The following AUTS2 variants were observed in gnomAD, a reference collection of about 807,000 sequenced individuals.
AUTS2 encodes the protein activator of transcription and developmental regulator AUTS2.
Under a neutral mutation model 112.4 loss-of-function variants are expected in AUTS2, and 17 were observed. The observed-to-expected ratio is 0.15, with a 90% confidence interval of 0.10 to 0.23. The LOEUF is 0.23. Ranked by LOEUF, AUTS2 falls within the 10% of genes least tolerant of loss-of-function variation. The probability of loss-of-function intolerance (pLI) is 1.00; values close to 1 mark genes in which losing one functional copy is unlikely to be tolerated. For missense variants in AUTS2, 1,510 were observed against 1,701.6 expected, an observed-to-expected ratio of 0.89 and a Z score of 1.98; for synonymous variants, 751 against 702.7, an observed-to-expected ratio of 1.07 and a Z score of -1.09.
At chr7:70,121,003 C>G (rs1584753229) in intron 3 of AUTS2, among the ~76,000 whole-genome samples, 1 of 152,132 alleles carries the variant, frequency 6.6e-6, no homozygotes, top group Non-Finnish European at 1.5e-5. Context: ...ATTAGACATA[C>G]AGACCAATGG....
At chr7:70,459,821 T>G (rs895151441) in intron 5 of AUTS2, among the ~76,000 whole-genome samples, 1 of 152,180 alleles carries the variant, frequency 6.6e-6, no homozygotes, top group Non-Finnish European at 1.5e-5. Context: ...GTGAGACTCC[T>G]TCCGGGATAA....
intron 2 of AUTS2, among the ~76,000 whole-genome samples, chr7:69,941,583 T>A (rs949435717): frequency 6.6e-6 from 1 of 151,848 alleles, no homozygotes; most frequent in Non-Finnish European, 1.5e-5. Context: ...TTCTAGATTT[T>A]TTTTTTTTTT....
intron 1 of AUTS2, among the ~76,000 whole-genome samples, chr7:69,898,303 C>G (rs1794836169): frequency 6.6e-6 from 1 of 152,174 alleles, no homozygotes; most frequent in East Asian, 1.9e-4. Context: ...ATTAGATCCA[C>G]TAGTTTCCAA....
intron 2 of AUTS2, among the ~76,000 whole-genome samples, chr7:69,917,904 G>A (rs1157216530): frequency 6.6e-6 from 1 of 151,920 alleles, no homozygotes. Flanking sequence ...GTGCAGTGGC[G>A]CGATCTCGGC....
chr7:70,316,398 T>A (rs1208368708), intron 4 of AUTS2, among the ~76,000 whole-genome samples: 1 of 127,338 alleles, frequency 7.9e-6, no homozygotes, highest in East Asian at 2.2e-4. Context: ...GCCAGGTCTC[T>A]ATTTTTTTTT....
rs563469687 is a variant in AUTS2 at position 70,792,620 on chromosome 7, T to G, written c.*1624T>G. On this transcript the variant is annotated 3_prime_UTR_variant, in exon 19 of 19. Coordinates refer to ENST00000342771, the MANE Select transcript of AUTS2 (RefSeq NM_015570.4). Reference sequence around the variant, plus strand: ...AACTCCAGATGTTGTGCGGTGTTTTTTTTTTTTTTTAAGACAACAACTAAA... The same window carrying G: ...AACTCCAGATGTTGTGCGGTGTTTTGTTTTTTTTTTAAGACAACAACTAAA... The G allele has an allele frequency of 2.1e-4, 26 of 126,384 alleles. No individual in the cohort carries two copies. Among genetic ancestry groups the G allele is most frequent in the Non-Finnish European group, 3.1e-4 (18 of 58,962 alleles). 7.8% of individuals were successfully genotyped at this position (126,384 alleles called of 1,614,324 possible).
chr7:69,661,519 C>G (rs149890510), intron 1 of AUTS2, among the ~76,000 whole-genome samples: 1 of 152,072 alleles, frequency 6.6e-6, no homozygotes, highest in Non-Finnish European at 1.5e-5. Context: ...TTTCTTATGT[C>G]GTATGACCTG....
chr7:70,656,598 T>C (rs1191856047), intron 5 of AUTS2, among the ~76,000 whole-genome samples: 2 of 152,222 alleles, frequency 1.3e-5, no homozygotes, highest in African/African-American at 2.4e-5. Context: ...ATTTGACGGA[T>C]GAAGAAATAA....
intron 4 of AUTS2, among the ~76,000 whole-genome samples, chr7:70,159,033 C>T (rs1009897861): frequency 2.0e-5 from 3 of 152,064 alleles, no homozygotes; most frequent in African/African-American, 7.2e-5. Context: ...ATTTATTGCC[C>T]TGCTTTCTTT....
chr7:70,406,317 A>C (rs923814719), intron 4 of AUTS2, among the ~76,000 whole-genome samples: 2 of 151,936 alleles, frequency 1.3e-5, no homozygotes, highest in African/African-American at 4.8e-5. Context: ...TCAGATATTA[A>C]CTTCTGTGCT....
chr7:69,632,485 C>T (rs890870419), intron 1 of AUTS2, among the ~76,000 whole-genome samples: 1 of 151,852 alleles, frequency 6.6e-6, no homozygotes, highest in African/African-American at 2.4e-5. Flanking sequence ...CTTAGGCTGA[C>T]GTGCTCTCCT....
intron 5 of AUTS2, among the ~76,000 whole-genome samples, chr7:70,579,278 AT>A (rs563529510): frequency 5.1e-4 from 75 of 146,898 alleles, no homozygotes; most frequent in African/African-American, 1.8e-3. Context: ...AGGGAGGAAC[AT>A]TTTAGAAAAA....
At chr7:70,787,463 G>A (rs751757533) in intron 18 of AUTS2, 32 bp downstream of exon 18, 12 of 1,487,676 alleles carry the variant, frequency 8.1e-6, no homozygotes, top group African/African-American at 1.4e-5. Flanking sequence ...GAGTCCCCAC[G>A]GGGGAGCCTG....
intron 2 of AUTS2, among the ~76,000 whole-genome samples, chr7:69,968,978 G>A (rs1434352009): frequency 1.3e-5 from 2 of 151,472 alleles, no homozygotes; most frequent in African/African-American, 4.9e-5. Flanking sequence ...CACTTGCATT[G>A]TTAACTATTA....
chr7:69,614,297 CAA>C (rs58790139), intron 1 of AUTS2, among the ~76,000 whole-genome samples: 36,427 of 141,366 alleles, frequency 0.26, 5,170 homozygotes, highest in East Asian at 0.57. Context: ...ACACTTCTCT[CAA>C]GAGTCACTCT....
At chr7:70,606,726 G>A (rs1803794713) in intron 5 of AUTS2, among the ~76,000 whole-genome samples, 1 of 152,052 alleles carries the variant, frequency 6.6e-6, no homozygotes, top group South Asian at 2.1e-4. Context: ...GCCAGGCGTG[G>A]TGATGCACAC....
intron 2 of AUTS2, among the ~76,000 whole-genome samples, chr7:70,065,707 T>C (rs1802458397): frequency 6.6e-6 from 1 of 151,788 alleles, no homozygotes. Context: ...CAAAAAAATA[T>C]ATATATATTA....
chr7:69,885,818 G>A (rs1359992872), intron 1 of AUTS2, among the ~76,000 whole-genome samples: 1 of 152,180 alleles, frequency 6.6e-6, no homozygotes, highest in Non-Finnish European at 1.5e-5. Context: ...GAGTTGTTGT[G>A]CAGACATTAA....
intron 1 of AUTS2, among the ~76,000 whole-genome samples, chr7:69,669,753 A>C (rs1796230311): frequency 6.6e-6 from 1 of 152,106 alleles, no homozygotes; most frequent in Non-Finnish European, 1.5e-5. Context: ...CCTTTTATGA[A>C]GCATGTGTGT....
Sources: allele counts gnomAD v4.1 joint callset (sites outside exome capture counted in the v4.1 genomes callset), GRCh38; gene constraint gnomAD v4.1.1; transcripts MANE v1.5; gene names NCBI Gene and HGNC (gene_info 2026-07-23, HGNC 2026-07-21).